Variants in TNFAIP6 observed in about 807,000 individuals in gnomAD.
TNFAIP6 encodes the protein tumor necrosis factor-inducible gene 6 protein.
A neutral mutation model predicts 33.7 loss-of-function variants in TNFAIP6; 36 were observed. The observed-to-expected ratio is 1.07, with a 90% confidence interval of 0.82 to 1.41. The LOEUF (loss-of-function observed/expected upper bound fraction) is 1.41, where lower values mean the gene tolerates loss of function less well. Ranked by LOEUF, TNFAIP6 falls within the 40% of genes most tolerant of loss-of-function variation. TNFAIP6 has a pLI of 0.00. For synonymous variants in TNFAIP6, 113 were observed against 112.8 expected (o/e 1.00, Z -0.01); for missense variants, 273 against 331.9 (o/e 0.82, Z 1.38).
chr2:151,361,912 A>G (rs1375532582), intron 1 of TNFAIP6, among the ~76,000 whole-genome samples: 3 of 152,250 alleles, frequency 2.0e-5, no homozygotes, highest in Admixed American at 6.5e-5. Context: ...TATGTAATGT[A>G]TAAGAGCAGG....
chr2:151,369,876 T>C, intron 3 of TNFAIP6, 144 bp from the exon 4 acceptor site: 1 of 587,148 alleles, frequency 1.7e-6, no homozygotes, highest in Non-Finnish European at 2.9e-6. Flanking sequence ...GCTAAAAGCA[T>C]ACATAATATA....
At chr2:151,369,063 C>T (rs939964368) in intron 3 of TNFAIP6, among the ~76,000 whole-genome samples, 5 of 152,198 alleles carry the variant, frequency 3.3e-5, no homozygotes, top group East Asian at 1.9e-4. Flanking sequence ...CGTGGTGGCT[C>T]ATGCCTGTAA....
chr2:151,357,743 A>G lies in TNFAIP6; in HGVS notation c.77A>G (p.His26Arg). ...QGWGFKDGIF[H>R]NSIWLERAAG... ...TGGGGATTCAAGGATGGAATTTTTC[A>G]TAACTCCATATGGCTTGGTAAGAAC... Residue 26 changes from histidine to arginine, a missense_variant, in exon 1 of 6, where the codon CAT becomes CGT. By Grantham distance (29) the His-to-Arg change is conservative. Transcript: ENST00000243347. The G allele has an allele frequency of 3.7e-6, 6 of 1,606,892 alleles. No homozygotes were observed. The highest frequency in any genetic ancestry group is 2.2e-5 in the East Asian group (1 of 44,824).
intron 1 of TNFAIP6, among the ~76,000 whole-genome samples, 184 bp from the exon 2 acceptor site, chr2:151,363,759 C>A (rs951239542): frequency 1.2e-4 from 18 of 152,046 alleles, no homozygotes; most frequent in African/African-American, 4.3e-4. Flanking sequence ...CCTAAAATTC[C>A]CCCTCATTCA....
chr2:151,363,688 C>T lies in TNFAIP6; in HGVS notation c.95-255C>T, dbSNP rs531062058. 7.2e-5 allele frequency among the ~76,000 whole-genome samples: 11 copies of T among 152,026 alleles called. No individual in the cohort carries two copies. The South Asian group carries it at 2.3e-3, about 32-fold the overall frequency. ...AAAACAAAACAAAACAAAAACCAAC[C>T]AACCAAACAAACAAAAAAACATAAT... On this transcript the variant is annotated intron_variant, in intron 1 of 5. Transcript: ENST00000243347.
chr2:151,380,351 A>G (rs915448856), downstream of TNFAIP6, among the ~76,000 whole-genome samples: 5 of 152,010 alleles, frequency 3.3e-5, no homozygotes, highest in Admixed American at 2.0e-4. Flanking sequence ...TTTAATTTTT[A>G]GTTTATATTT....
At chr2:151,361,417 T>C (rs1418655106) in intron 1 of TNFAIP6, among the ~76,000 whole-genome samples, 2 of 152,178 alleles carry the variant, frequency 1.3e-5, no homozygotes, top group Non-Finnish European at 1.5e-5. Flanking sequence ...CATTTTAATT[T>C]TGAAATAAAA....
rs778043192 is a variant in TNFAIP6, at chr2:151,366,021, A to ACCC, written c.233-33_233-32insCCC. The ACCC allele has an allele frequency of 2.2e-5, 35 of 1,604,556 alleles. No individual in the cohort carries two copies. In the South Asian group the frequency reaches 2.2e-4, roughly 10 times the overall value. On this transcript the variant is annotated intron_variant, in intron 2 of 5. Transcript: ENST00000243347. ...GACTTTTGCTTAGCCAAGACAGTTT[A>ACCC]CCTGTTTAGTCCATAACTCTTTTTC...
At chr2:151,377,326 C>T (rs1380951177) in intron 5 of TNFAIP6, among the ~76,000 whole-genome samples, 4 of 152,016 alleles carry the variant, frequency 2.6e-5, no homozygotes, top group East Asian at 1.9e-4. Context: ...CCCGCCACCA[C>T]GCCTGGCTAA....
chr2:151,359,386 A>T (rs929958184), intron 1 of TNFAIP6, among the ~76,000 whole-genome samples: 3 of 130,170 alleles, frequency 2.3e-5, no homozygotes, highest in South Asian at 2.4e-4. Flanking sequence ...GCAACTCATA[A>T]TTTTTTTTTT....
In TNFAIP6 at chr2:151,357,705, A is replaced by G. The variant is rs1684559960; in HGVS notation, c.39A>G (p.Glu13=). 34 of 1,613,030 alleles carry G rather than the reference A, an allele frequency of 2.1e-5. No individual in the cohort carries two copies. Among genetic ancestry groups the G allele is most frequent in the Non-Finnish European group, 2.7e-5 (32 of 1,179,032 alleles). The part of the protein sequence containing the change: ...ILIYLFLLLW[E]DTQGWGFKDG... The stretch of plus-strand genomic sequence containing the variant: ...TTTACTTATTTCTCTTGCTATGGGA[A>G]GACACTCAAGGATGGGGATTCAAGG... Residue 13 remains glutamate (E), a synonymous_variant, in exon 1 of 6, where the codon GAA becomes GAG. Coordinates refer to ENST00000243347, the MANE Select transcript of TNFAIP6 (RefSeq NM_007115.4).
intron 5 of TNFAIP6, among the ~76,000 whole-genome samples, chr2:151,376,865 C>CTTTTTCTTTTTTT (rs1684916537): frequency 8.8e-6 from 1 of 114,156 alleles, no homozygotes; most frequent in Non-Finnish European, 1.7e-5. Context: ...TTTTTCTTTT[C>CTTTTTCTTTTTTT]TTTTTTTTTT....
At chr2:151,362,517 G>T (rs1251938313) in intron 1 of TNFAIP6, among the ~76,000 whole-genome samples, 1 of 79,748 alleles carries the variant, frequency 1.3e-5, no homozygotes, top group Non-Finnish European at 2.3e-5. Flanking sequence ...TTTTGAGACA[G>T]AGTCTCACTG....
Position 151,370,090 on chromosome 2 carries a change from C to T in TNFAIP6, c.465C>T (p.Tyr155=), listed in dbSNP as rs755909985. 10 of 1,613,796 alleles carry T rather than the reference C, an allele frequency of 6.2e-6. No homozygotes were observed. Among genetic ancestry groups the T allele is most frequent in the African/African-American group, 1.3e-5 (1 of 74,834 alleles). The change falls in exon 4 of 6, where the codon TAC becomes TAT. Residue 155 remains tyrosine (Y), a synonymous_variant. Coordinates refer to ENST00000243347, the MANE Select transcript of TNFAIP6 (RefSeq NM_007115.4). ...AATCTCCAGGCTTCCCAAATGAGTA[C>T]GAAGATAACCAAATCTGCTACTGGC... ...IFKSPGFPNE[Y]EDNQICYWHI...
At chr2:151,362,222 C>A (rs1366019039) in intron 1 of TNFAIP6, among the ~76,000 whole-genome samples, 5 of 152,128 alleles carry the variant, frequency 3.3e-5, no homozygotes, top group East Asian at 3.9e-4. Context: ...AGAAGGGACT[C>A]CAAACTCAAA....
intron 3 of TNFAIP6, 23 bp from the exon 4 acceptor site, chr2:151,369,997 C>A: frequency 1.3e-6 from 2 of 1,555,068 alleles, no homozygotes; most frequent in Non-Finnish European, 1.8e-6. Context: ...GGGGTTTTTA[C>A]GTTTTTTTTC....
chr2:151,379,618 T>C lies in TNFAIP6; in HGVS notation c.*85T>C. 1.0e-6 allele frequency: 1 copy of C among 973,816 alleles called. No homozygotes were observed. The highest frequency in any genetic ancestry group is 3.1e-5 in the East Asian group (1 of 31,902). 60.3% of individuals were successfully genotyped at this position (973,816 alleles called of 1,614,324 possible). On this transcript the variant is annotated 3_prime_UTR_variant, in exon 6 of 6. Transcript: ENST00000243347. Reference sequence around the variant, plus strand: ...TTTGATCTCACTGTTATTATTAACATTTATTTATTATTTTTCTAAATGTGA... The same window carrying C: ...TTTGATCTCACTGTTATTATTAACACTTATTTATTATTTTTCTAAATGTGA...
rs531275363 is a variant in TNFAIP6, at chr2:151,374,854, C to T, written c.664+1265C>T. 5.3e-5 allele frequency among the ~76,000 whole-genome samples: 8 copies of T among 152,094 alleles called. No homozygotes were observed. The East Asian group carries it at 1.2e-3, about 22-fold the overall frequency. On this transcript the variant is annotated intron_variant, in intron 5 of 5. Coordinates refer to ENST00000243347, the MANE Select transcript of TNFAIP6 (RefSeq NM_007115.4). ...TTAAAAAGAAGCCTAGGCCAGGTGCCGTGGCTCACGTCTGTAATCCCAGCA... is the reference window on the plus strand; with the variant it reads ...TTAAAAAGAAGCCTAGGCCAGGTGCTGTGGCTCACGTCTGTAATCCCAGCA...
intron 3 of TNFAIP6, among the ~76,000 whole-genome samples, chr2:151,368,811 C>T (rs1393658177): frequency 6.6e-6 from 1 of 152,060 alleles, no homozygotes; most frequent in Non-Finnish European, 1.5e-5. Context: ...GCTTGTGGCC[C>T]TGAAGACATA....
Sources: allele counts gnomAD v4.1 joint callset (sites outside exome capture counted in the v4.1 genomes callset), GRCh38; gene constraint gnomAD v4.1.1; transcripts MANE v1.5; gene names NCBI Gene and HGNC (gene_info 2026-07-23, HGNC 2026-07-21).